Variants in CEP83 observed in about 807,000 individuals in gnomAD.
CEP83 encodes the protein centrosomal protein of 83 kDa.
In CEP83, 70 loss-of-function variants were observed where a neutral mutation model predicts 101.9. That is an observed-to-expected ratio of 0.69 (90% confidence interval 0.57 to 0.84). The LOEUF (loss-of-function observed/expected upper bound fraction) is 0.84. Ranked by LOEUF, CEP83 falls within the 40% of genes least tolerant of loss-of-function variation. The pLI, the probability that CEP83 is intolerant of heterozygous loss-of-function variation, is 0.00. For missense variants in CEP83, 715 were observed against 787.2 expected (o/e 0.91, Z 1.10); for synonymous variants, 264 against 267.9 (o/e 0.99, Z 0.14).
intron 8 of CEP83, among the ~76,000 whole-genome samples, chr12:94,371,911 C>T (rs1206806967): frequency 1.3e-5 from 2 of 152,170 alleles, no homozygotes; most frequent in Non-Finnish European, 2.9e-5. Context: ...TCCAAATTAA[C>T]TCGTAGATTT....
chr12:94,364,542 A>AT (rs1297443640), intron 11 of CEP83, among the ~76,000 whole-genome samples: 2 of 152,026 alleles, frequency 1.3e-5, no homozygotes, highest in African/African-American at 4.8e-5. Context: ...AGGCAGGAGG[A>AT]TTGCTTGAGC....
the CEP83 span, among the ~76,000 whole-genome samples, chr12:94,284,614 T>C: frequency 6.6e-6 from 1 of 152,102 alleles, no homozygotes; most frequent in Non-Finnish European, 1.5e-5. Context: ...GTACTATTAT[T>C]AACCCCACTT....
At chr12:94,392,803 G>A (rs998986141) in intron 6 of CEP83, among the ~76,000 whole-genome samples, 14 of 152,222 alleles carry the variant, frequency 9.2e-5, no homozygotes, top group African/African-American at 2.6e-4. Context: ...TATCGCCACC[G>A]ATCCCACAGA....
At chr12:94,337,356 G>A (rs1419459944) in intron 11 of CEP83, among the ~76,000 whole-genome samples, 3 of 152,116 alleles carry the variant, frequency 2.0e-5, no homozygotes, top group Non-Finnish European at 4.4e-5. Flanking sequence ...CTTCCTTCAG[G>A]TCATTTTGTT....
chr12:94,295,141 AG>A, the CEP83 span, among the ~76,000 whole-genome samples: 4 of 152,240 alleles, frequency 2.6e-5, no homozygotes, highest in Non-Finnish European at 4.4e-5. Context: ...CAAGACAATC[AG>A]CTCTCAGCCC....
At chr12:94,318,999 T>C (rs1971167999) in intron 14 of CEP83, among the ~76,000 whole-genome samples, 1 of 152,190 alleles carries the variant, frequency 6.6e-6, no homozygotes, top group Admixed American at 6.5e-5. Flanking sequence ...AGCTCTTCTT[T>C]GAACATTTGG....
intron 11 of CEP83, among the ~76,000 whole-genome samples, chr12:94,351,677 T>C (rs1372710988): frequency 6.6e-6 from 1 of 152,086 alleles, no homozygotes; most frequent in Non-Finnish European, 1.5e-5. Flanking sequence ...TGCCAGCCAC[T>C]GCCAGCAATC....
intron 6 of CEP83, among the ~76,000 whole-genome samples, chr12:94,384,712 CTCTT>C (rs1422698392): frequency 5.9e-5 from 9 of 152,196 alleles, no homozygotes; most frequent in African/African-American, 2.2e-4. Flanking sequence ...TTCTTAGTCA[CTCTT>C]TCAGTTCTAA....
At chr12:94,298,571 T>G in the CEP83 span, 2 of 1,336,026 alleles carry the variant, frequency 1.5e-6, no homozygotes, top group South Asian at 2.7e-5. Context: ...TTTGCTATTA[T>G]GTTTTCAAAA....
chr12:94,423,635 A>C, intron 2 of CEP83: 2 of 1,548,876 alleles, frequency 1.3e-6, no homozygotes, highest in Non-Finnish European at 8.7e-7. Flanking sequence ...AGTCCTTAGC[A>C]GGGCCGACGG....
chr12:94,379,024 C>T lies in CEP83; in HGVS notation c.568G>A (p.Asp190Asn). ...AGCTGGTTACGTAGTTCTTCTTTATCTTCCTCCAGTCTTGCAATCTAATAA... is the reference window on the plus strand; with the variant it reads ...AGCTGGTTACGTAGTTCTTCTTTATTTTCCTCCAGTCTTGCAATCTAATAA... ...YESEIARLEE[D>N]KEELRNQLLN... Residue 190 changes from aspartate (D) to asparagine (N), a missense_variant, in exon 7 of 17, where the codon GAT (aspartate) becomes AAT (asparagine). Coordinates refer to ENST00000397809, the MANE Select transcript of CEP83 (RefSeq NM_016122.3). 1 of 1,608,834 alleles carries T rather than the reference C, an allele frequency of 6.2e-7. No homozygotes were observed. Among genetic ancestry groups the T allele is most frequent in the Non-Finnish European group, 8.5e-7 (1 of 1,176,386 alleles).
chr12:94,381,545 C>T (rs1360918929), intron 6 of CEP83, among the ~76,000 whole-genome samples: 1 of 152,068 alleles, frequency 6.6e-6, no homozygotes, highest in East Asian at 1.9e-4. Flanking sequence ...CACTTCAATT[C>T]CCCAAGGCAC....
At chr12:94,397,653 T>TAG (rs1479836596) in intron 6 of CEP83, among the ~76,000 whole-genome samples, 1 of 152,120 alleles carries the variant, frequency 6.6e-6, no homozygotes, top group African/African-American at 2.4e-5. Context: ...ACTAAGAAAC[T>TAG]AGAGAATACA....
In CEP83 at chr12:94,446,352, A is replaced by G. The variant is rs1033675253; in HGVS notation, c.-154-11025T>C. On this transcript the variant is annotated intron_variant, in intron 1 of 16. Coordinates refer to ENST00000397809, the MANE Select transcript of CEP83 (RefSeq NM_016122.3). ...AACTATTGTTTTTATCAATTAGTCT[A>G]GGGTAAAGTTGGTTTCATGATACAT... Among the ~76,000 whole-genome samples, 4 of 152,316 alleles carry G rather than the reference A, an allele frequency of 2.6e-5. No homozygotes were observed. In the South Asian group the frequency reaches 8.3e-4, roughly 32 times the overall value.
At chr12:94,288,097 C>T in the CEP83 span, among the ~76,000 whole-genome samples, 1 of 152,250 alleles carries the variant, frequency 6.6e-6, no homozygotes, top group Non-Finnish European at 1.5e-5. Context: ...ATGCTCCTAA[C>T]CTCCGAGGCA....
chr12:94,449,899 T>C (rs1174714294), intron 1 of CEP83, among the ~76,000 whole-genome samples: 1 of 139,530 alleles, frequency 7.2e-6, no homozygotes, highest in African/African-American at 2.7e-5. Flanking sequence ...ATACTAACAA[T>C]AAAAATCATA....
At chr12:94,448,954 T>A in intron 1 of CEP83, among the ~76,000 whole-genome samples, 1 of 135,636 alleles carries the variant, frequency 7.4e-6, no homozygotes, top group Non-Finnish European at 1.6e-5. Context: ...ATCAGTGAAA[T>A]AGAAAATATA....
At chr12:94,412,671 C>T in intron 2 of CEP83, 80 bp from the exon 3 acceptor site, 9 of 423,078 alleles carry the variant, frequency 2.1e-5, no homozygotes, top group South Asian at 1.4e-4. Flanking sequence ...ATTTTTATCA[C>T]TTTTATTATT....
chr12:94,383,233 C>T (rs2061948620), intron 6 of CEP83, among the ~76,000 whole-genome samples: 1 of 151,936 alleles, frequency 6.6e-6, no homozygotes, highest in Admixed American at 6.6e-5. Context: ...CTTTGTATAT[C>T]CTTTTATTTA....
Sources: allele counts gnomAD v4.1 joint callset (sites outside exome capture counted in the v4.1 genomes callset), GRCh38; gene constraint gnomAD v4.1.1; transcripts MANE v1.5; gene names NCBI Gene and HGNC (gene_info 2026-07-23, HGNC 2026-07-21).